Variants in MYL4 observed in about 807,000 individuals in gnomAD.
MYL4 encodes the protein myosin light chain 4.
A neutral mutation model predicts 21.6 loss-of-function variants in MYL4; 16 were observed. The ratio of observed to expected loss-of-function variants is 0.74; its 90% confidence interval spans 0.50 to 1.12. The LOEUF (loss-of-function observed/expected upper bound fraction) is 1.12, where lower values mean the gene tolerates loss of function less well. Among genes scored for constraint, MYL4 ranks in the 50% most tolerant of loss-of-function variants. The pLI, the probability that MYL4 is intolerant of heterozygous loss-of-function variation, is 0.00. For missense variants in MYL4, 249 were observed against 252.9 expected, an observed-to-expected ratio of 0.98 and a Z score of 0.11; for synonymous variants, 82 against 95.7, an observed-to-expected ratio of 0.86 and a Z score of 0.83.
upstream of MYL4, among the ~76,000 whole-genome samples, chr17:47,198,989 C>G (rs963581950): frequency 5.3e-5 from 8 of 151,506 alleles, no homozygotes; most frequent in African/African-American, 1.9e-4. Context: ...AATCCCAGCA[C>G]TTTGGGAGGC....
chr17:47,203,293 G>A (rs181133430), intron 1 of MYL4, among the ~76,000 whole-genome samples: 221 of 152,070 alleles, frequency 1.5e-3, no homozygotes, highest in Middle Eastern at 6.8e-3. Flanking sequence ...AAATGTAAAC[G>A]TACTATCCTC....
Position 47,213,809 on chromosome 17 carries a change from C to G in MYL4, c.146C>G (p.Thr49Ser). The G allele has an allele frequency of 6.2e-7, 1 of 1,614,206 alleles. No homozygotes were observed. Among genetic ancestry groups the G allele is most frequent in the Non-Finnish European group, 8.5e-7 (1 of 1,180,008 alleles). The change falls in exon 2 of 7, where the codon ACT becomes AGT. Residue 49 changes from threonine to serine, a missense_variant. Physicochemically the swap from Thr to Ser is moderately conservative, Grantham distance 58. Coordinates refer to ENST00000393450, the MANE Select transcript of MYL4 (RefSeq NM_002476.2). ...FDPKSVKIDF[T>S]ADQIEEFKEA... ...TTTCCCTCCCTACAGATAGACTTCA[C>G]TGCCGACCAGATTGAAGGTGAGTAT...
chr17:47,213,203 G>A (rs930372680), intron 1 of MYL4, among the ~76,000 whole-genome samples: 3 of 152,258 alleles, frequency 2.0e-5, no homozygotes, highest in Middle Eastern at 3.4e-3. Flanking sequence ...GGCAGTCCGT[G>A]TACGTTCTAG....
chr17:47,216,726 C>T (rs1250356364), intron 2 of MYL4, among the ~76,000 whole-genome samples: 5 of 142,806 alleles, frequency 3.5e-5, no homozygotes, highest in African/African-American at 1.1e-4. Flanking sequence ...CAGAGTTTTG[C>T]GCTTGTTGCC....
chr17:47,213,908 G>C, intron 2 of MYL4, 82 bp downstream of exon 2: 1 of 1,456,942 alleles, frequency 6.9e-7, no homozygotes, highest in Non-Finnish European at 9.6e-7. Flanking sequence ...AGGAGGAGTA[G>C]TTGTCCTCAT....
At chr17:47,206,570 A>G (rs1467808620), upstream of MYL4, among the ~76,000 whole-genome samples, 1 of 152,082 alleles carries the variant, frequency 6.6e-6, no homozygotes, top group African/African-American at 2.4e-5. Context: ...AGTATGTAAA[A>G]CACAGGAGTG....
chr17:47,211,351 C>T (rs1446340353), intron 1 of MYL4, among the ~76,000 whole-genome samples: 1 of 151,944 alleles, frequency 6.6e-6, no homozygotes, highest in Non-Finnish European at 1.5e-5. Context: ...CATTTGAGTC[C>T]AGCCTGGGCA....
intron 2 of MYL4, among the ~76,000 whole-genome samples, chr17:47,215,249 A>G (rs2064805266): frequency 6.6e-6 from 1 of 152,232 alleles, no homozygotes; most frequent in Non-Finnish European, 1.5e-5. Context: ...TGGATATAGA[A>G]ACACAATGAC....
intron 6 of MYL4, 34 bp downstream of exon 6, chr17:47,223,091 G>C (rs770986056): frequency 6.2e-7 from 1 of 1,607,086 alleles, no homozygotes. Flanking sequence ...GTCCCTTCCG[G>C]GGTCACATAG....
chr17:47,212,894 T>C (rs894180777), intron 1 of MYL4, among the ~76,000 whole-genome samples: 7 of 152,162 alleles, frequency 4.6e-5, no homozygotes, highest in African/African-American at 1.7e-4. Flanking sequence ...TTGGTCCTAG[T>C]GTAGGAGCTC....
upstream of MYL4, among the ~76,000 whole-genome samples, chr17:47,208,211 T>A (rs1405381487): frequency 1.3e-5 from 2 of 152,044 alleles, no homozygotes; most frequent in Non-Finnish European, 2.9e-5. Flanking sequence ...GCTCAGGAGT[T>A]CAAGACCAAC....
chr17:47,192,071 C>T, the MYL4 span, among the ~76,000 whole-genome samples: 1 of 152,066 alleles, frequency 6.6e-6, no homozygotes, highest in East Asian at 1.9e-4. Context: ...AGAGCATTTC[C>T]TGGCTGGGTG....
intron 3 of MYL4, 29 bp downstream of exon 3, chr17:47,220,082 C>T (rs1022617804): frequency 7.6e-6 from 12 of 1,584,356 alleles, no homozygotes; most frequent in Non-Finnish European, 1.0e-5. Context: ...CAGACCTCTC[C>T]CAGGGTCAGG....
chr17:47,200,227 G>C (rs1306227377), upstream of MYL4, among the ~76,000 whole-genome samples: 1 of 150,860 alleles, frequency 6.6e-6, no homozygotes, highest in Non-Finnish European at 1.5e-5. Context: ...AAAAGAGGAA[G>C]TCAGTGGAAA....
intron 3 of MYL4, 110 bp downstream of exon 3, chr17:47,220,163 G>C (rs2149047658): frequency 7.3e-7 from 1 of 1,367,436 alleles, no homozygotes; most frequent in Non-Finnish European, 9.7e-7. Flanking sequence ...TCCTGCTTTA[G>C]CCCCTCAGGA....
At chr17:47,227,582 C>T (rs1197716249), downstream of MYL4, among the ~76,000 whole-genome samples, 2 of 152,154 alleles carry the variant, frequency 1.3e-5, no homozygotes, top group Non-Finnish European at 2.9e-5. Context: ...ACCGCAAGAC[C>T]AACCCTTCCT....
chr17:47,223,090 G>A lies in MYL4; in HGVS notation c.*15+33G>A, dbSNP rs760813399. 3.0e-5 allele frequency: 48 copies of A among 1,610,716 alleles called. No individual in the cohort carries two copies. The Admixed American group carries it at 4.7e-4, about 16-fold the overall frequency. ...CAGCCTCTCCCTCCTGGTCCCTTCC[G>A]GGGTCACATAGGGCCTTAAGAATAA... On this transcript the variant is annotated intron_variant, in intron 6 of 6. Coordinates refer to ENST00000393450, the MANE Select transcript of MYL4 (RefSeq NM_002476.2).
Position 47,209,377 on chromosome 17 carries a change from G to A in MYL4, c.-46G>A. The A allele has an allele frequency of 6.2e-7, 1 of 1,613,776 alleles. No individual in the cohort carries two copies. The highest frequency in any genetic ancestry group is 8.5e-7 in the Non-Finnish European group (1 of 1,179,954). On this transcript the variant is annotated 5_prime_UTR_variant, in exon 1 of 7. Coordinates refer to ENST00000393450, the MANE Select transcript of MYL4 (RefSeq NM_002476.2). ...CATCTCCCAGACGCCACGTCTCTCG[G>A]TTTCTTCTTAGATCACTCCTCTGCC...
At chr17:47,206,589 T>C (rs1384480167), upstream of MYL4, among the ~76,000 whole-genome samples, 1 of 152,086 alleles carries the variant, frequency 6.6e-6, no homozygotes, top group Non-Finnish European at 1.5e-5. Context: ...TGGTGGTGAC[T>C]GAAGTGATGG....
Sources: gnomAD v4.1 joint callset for allele counts (sites outside exome capture counted in the v4.1 genomes callset) on GRCh38, gnomAD v4.1.1 for gene constraint, MANE v1.5 for transcripts, NCBI Gene and HGNC (gene_info 2026-07-23, HGNC 2026-07-21) for gene names.